The following MCPH1 variants were observed in gnomAD, a reference collection of about 807,000 sequenced individuals.
The protein encoded by MCPH1 is microcephalin.
MCPH1 carries 104 observed loss-of-function variants against 84.5 expected under a neutral mutation model. That is an observed-to-expected ratio of 1.23 (90% confidence interval 1.05 to 1.45). MCPH1 has a LOEUF of 1.45. Among genes scored for constraint, MCPH1 ranks in the 40% most tolerant of loss-of-function variants. The probability of loss-of-function intolerance (pLI) is 0.00; values close to 1 mark genes in which losing one functional copy is unlikely to be tolerated. For missense variants in MCPH1, 1,498 were observed against 1,005.7 expected, an observed-to-expected ratio of 1.49 and a Z score of -6.62; for synonymous variants, 514 against 366.8, an observed-to-expected ratio of 1.40 and a Z score of -4.58.
At chr8:6,493,185 T>G (rs1035752238) in intron 11 of MCPH1, among the ~76,000 whole-genome samples, 8 of 152,230 alleles carry the variant, frequency 5.3e-5, no homozygotes, top group African/African-American at 1.7e-4. Flanking sequence ...GTGAGTACAG[T>G]GGTGACATGC....
chr8:6,480,128 CTT>C (rs751438919), intron 10 of MCPH1, among the ~76,000 whole-genome samples: 10 of 142,152 alleles, frequency 7.0e-5, no homozygotes, highest in Admixed American at 2.8e-4. Flanking sequence ...TTCTTTTTTT[CTT>C]TTTTTTTTTT....
intron 3 of MCPH1, among the ~76,000 whole-genome samples, chr8:6,423,022 C>T (rs577837965): frequency 1.3e-5 from 2 of 150,996 alleles, no homozygotes; most frequent in East Asian, 3.9e-4. Flanking sequence ...AGGGTTTCAC[C>T]ATGTTGGCCA....
At chr8:6,442,006 G>A in intron 6 of MCPH1, 61 bp from the exon 7 acceptor site, 2 of 1,148,222 alleles carry the variant, frequency 1.7e-6, no homozygotes, top group Admixed American at 1.7e-5. Flanking sequence ...CTTCCTGCTG[G>A]CTTCATCTGC....
At chr8:6,585,081 G>A (rs917023442) in intron 12 of MCPH1, among the ~76,000 whole-genome samples, 1 of 152,210 alleles carries the variant, frequency 6.6e-6, no homozygotes, top group Non-Finnish European at 1.5e-5. Context: ...TAGCAGTTCG[G>A]CTGGAGTATT....
intron 3 of MCPH1, among the ~76,000 whole-genome samples, chr8:6,415,683 G>A (rs1269220916): frequency 6.6e-6 from 1 of 152,090 alleles, no homozygotes; most frequent in Non-Finnish European, 1.5e-5. Flanking sequence ...TAAATTTGTA[G>A]TAAGTTTTGA....
In MCPH1 at chr8:6,638,835, G is replaced by A. The variant is rs545659710; in HGVS notation, c.2453-4159G>A. Among the ~76,000 whole-genome samples the A allele has an allele frequency of 4.6e-5, 7 of 152,260 alleles. No individual in the cohort carries two copies. In the South Asian group the frequency reaches 8.3e-4, roughly 18 times the overall value. On this transcript the variant is annotated intron_variant, in intron 13 of 13. Transcript: ENST00000344683. The stretch of plus-strand genomic sequence containing the variant: ...CCTGTGTGTGTTTACAGTTAGGAAC[G>A]TGGGGCTGTGAGGGGCTCCCTGGAC...
At position 6,482,646 on chromosome 8, in the gene MCPH1, C is replaced by T. The variant is rs116650758; in HGVS notation, c.2136+1770C>T. 2.2e-3 allele frequency among the ~76,000 whole-genome samples: 333 copies of T among 152,302 alleles called. 4 individuals carry two copies. Among genetic ancestry groups the T allele is most frequent in the African/African-American group, 7.7e-3 (319 of 41,558 alleles). ...AGTCCATAGAGGTCAGACGTGAGAA[C>T]GTACTGCCTTTGCTGTCGACATGGA... is the stretch of plus-strand genomic sequence containing the variant. On this transcript the variant is annotated intron_variant, in intron 11 of 13. Transcript: ENST00000344683.
At chr8:6,505,434 A>G (rs1464323693) in intron 12 of MCPH1, among the ~76,000 whole-genome samples, 1 of 78,876 alleles carries the variant, frequency 1.3e-5, no homozygotes, top group Non-Finnish European at 2.7e-5. Flanking sequence ...AAGAATATAT[A>G]TATTCTTTAT....
chr8:6,437,032 C>A (rs1042027876), intron 5 of MCPH1, among the ~76,000 whole-genome samples: 2 of 152,018 alleles, frequency 1.3e-5, no homozygotes, highest in Non-Finnish European at 2.9e-5. Context: ...TTCTGTTTTG[C>A]CTTTTTCACT....
intron 11 of MCPH1, among the ~76,000 whole-genome samples, chr8:6,495,566 C>A (rs371954146): frequency 9.2e-5 from 14 of 152,282 alleles, no homozygotes; most frequent in African/African-American, 3.4e-4. Flanking sequence ...TGAGAACAAT[C>A]TTTGTAATTT....
chr8:6,630,715 A>C (rs2129582129), intron 13 of MCPH1, among the ~76,000 whole-genome samples: 1 of 147,530 alleles, frequency 6.8e-6, no homozygotes, highest in African/African-American at 2.5e-5. Flanking sequence ...TGGGAGGTGG[A>C]GGTTGCAGTG....
At chr8:6,543,340 A>T (rs907511092) in intron 12 of MCPH1, among the ~76,000 whole-genome samples, 1 of 152,144 alleles carries the variant, frequency 6.6e-6, no homozygotes, top group Non-Finnish European at 1.5e-5. Flanking sequence ...AGTATGGGTG[A>T]TGGCTCTCCA....
chr8:6,480,884 C>G lies in MCPH1; in HGVS notation c.2136+8C>G. On this transcript the variant is annotated splice_region_variant and intron_variant, in intron 11 of 13. Coordinates refer to ENST00000344683, the MANE Select transcript of MCPH1 (RefSeq NM_024596.5). The stretch of plus-strand genomic sequence containing the variant: ...GTTCTCTCTTATGATTGGGTAAGCC[C>G]TGTGTGTGAACTGCGTATTTTAAAA... 6.2e-7 allele frequency: 1 copy of G among 1,613,672 alleles called. No individual in the cohort carries two copies. The highest frequency in any genetic ancestry group is 8.5e-7 in the Non-Finnish European group (1 of 1,180,030).
At chr8:6,427,478 C>G (rs542585007) in intron 3 of MCPH1, among the ~76,000 whole-genome samples, 1 of 152,074 alleles carries the variant, frequency 6.6e-6, no homozygotes, top group Non-Finnish European at 1.5e-5. Context: ...CTCAAGCAAT[C>G]CTCCTGCCTC....
intron 12 of MCPH1, among the ~76,000 whole-genome samples, chr8:6,568,926 C>G (rs1330172834): frequency 6.6e-6 from 1 of 152,154 alleles, no homozygotes; most frequent in Admixed American, 6.5e-5. Context: ...ACGGCTGAAA[C>G]AGTCTAAAAA....
intron 12 of MCPH1, among the ~76,000 whole-genome samples, chr8:6,585,862 G>C (rs1203164380): frequency 1.3e-5 from 2 of 152,196 alleles, no homozygotes; most frequent in Admixed American, 1.3e-4. Context: ...CTGGCCAACA[G>C]TCACAGTGTG....
intron 8 of MCPH1, 90 bp downstream of exon 8, chr8:6,445,637 C>T (rs1804241000): frequency 1.3e-6 from 2 of 1,491,708 alleles, no homozygotes; most frequent in Admixed American, 2.4e-5. Flanking sequence ...TTTTTCATAA[C>T]TTATTTCCCC....
At chr8:6,550,132 T>G (rs1563110161) in intron 12 of MCPH1, among the ~76,000 whole-genome samples, 1 of 152,202 alleles carries the variant, frequency 6.6e-6, no homozygotes, top group Non-Finnish European at 1.5e-5. Flanking sequence ...CCAACTATCG[T>G]GCCTCCTCAT....
chr8:6,482,349 T>C (rs1012424619), intron 11 of MCPH1, among the ~76,000 whole-genome samples: 1 of 152,190 alleles, frequency 6.6e-6, no homozygotes, highest in African/African-American at 2.4e-5. Context: ...GTGCATACTA[T>C]ATATATAGGG....
Sources: allele counts gnomAD v4.1 joint callset (sites outside exome capture counted in the v4.1 genomes callset), GRCh38; gene constraint gnomAD v4.1.1; transcripts MANE v1.5; gene names NCBI Gene and HGNC (gene_info 2026-07-23, HGNC 2026-07-21).